Variants in CLSTN2 observed in about 807,000 individuals in gnomAD.
CLSTN2 encodes the protein calsyntenin-2.
In CLSTN2, 48 loss-of-function variants were observed where a neutral mutation model predicts 101.2. The ratio of observed to expected loss-of-function variants is 0.47; its 90% CI spans 0.38 to 0.60. The LOEUF is 0.60. Among genes scored for constraint, CLSTN2 ranks in the 20% least tolerant of loss-of-function variants. The probability of loss-of-function intolerance (pLI) is 0.00; values close to 1 mark genes in which losing one functional copy is unlikely to be tolerated. For missense variants in CLSTN2, 1,160 were observed against 1,238.2 expected, an observed-to-expected ratio of 0.94 and a Z score of 0.95; for synonymous variants, 481 against 463.6, an observed-to-expected ratio of 1.04 and a Z score of -0.48.
rs139938336 is a variant in CLSTN2 at position 140,053,011 on chromosome 3, C to T, written c.109+117528C>T. 3.9e-5 allele frequency among the ~76,000 whole-genome samples: 6 copies of T among 152,312 alleles called. No individual in the cohort carries two copies. The East Asian group carries it at 7.7e-4, about 20-fold the overall frequency. On this transcript the variant is annotated intron_variant, in intron 1 of 16. Coordinates refer to ENST00000458420, the MANE Select transcript of CLSTN2 (RefSeq NM_022131.3). ...CTCATCAAGACAGCACAGCCAACCA[C>T]GAGCCTGCAGGGGTGAGCACAGAGC...
Position 140,047,709 on chromosome 3 carries a change from G to A in CLSTN2, c.109+112226G>A, listed in dbSNP as rs747342648. The stretch of plus-strand genomic sequence containing the variant: ...GTAGTGCAGGGCATCCCGTGGTGAC[G>A]AGGCTGAGCATGCTAGCTCAGGTCT... On this transcript the variant is annotated intron_variant, in intron 1 of 16. Coordinates refer to ENST00000458420, the MANE Select transcript of CLSTN2 (RefSeq NM_022131.3). 3.9e-5 allele frequency among the ~76,000 whole-genome samples: 6 copies of A among 152,190 alleles called. No individual in the cohort carries two copies. The East Asian group carries it at 5.8e-4, about 15-fold the overall frequency.
At chr3:140,360,168 C>T (rs1056064377) in intron 2 of CLSTN2, among the ~76,000 whole-genome samples, 4 of 152,240 alleles carry the variant, frequency 2.6e-5, no homozygotes, top group South Asian at 2.1e-4. Context: ...CCCCTGTAAT[C>T]GTTCCTTTTT....
intron 1 of CLSTN2, among the ~76,000 whole-genome samples, chr3:140,108,988 C>A (rs1400767352): frequency 6.6e-6 from 1 of 152,072 alleles, no homozygotes; most frequent in African/African-American, 2.4e-5. Flanking sequence ...GAAGGTGTGC[C>A]TCAGAAGGGT....
chr3:140,537,006 C>T (rs1203693201), intron 9 of CLSTN2, among the ~76,000 whole-genome samples: 2 of 152,190 alleles, frequency 1.3e-5, no homozygotes, highest in South Asian at 2.1e-4. Context: ...AGACCTGATG[C>T]TGTGAAATTA....
chr3:140,478,122 C>T (rs1440079829), intron 8 of CLSTN2, among the ~76,000 whole-genome samples: 2 of 152,120 alleles, frequency 1.3e-5, no homozygotes, highest in Non-Finnish European at 2.9e-5. Flanking sequence ...TTATTTCTTT[C>T]ACTGCATTGG....
At chr3:139,977,863 T>C (rs1488006102) in intron 1 of CLSTN2, among the ~76,000 whole-genome samples, 1 of 152,172 alleles carries the variant, frequency 6.6e-6, no homozygotes, top group Non-Finnish European at 1.5e-5. Context: ...GAGAAAAATA[T>C]AGCTTTGGAA....
At chr3:139,960,610 TC>T (rs1382774661) in intron 1 of CLSTN2, among the ~76,000 whole-genome samples, 1 of 152,232 alleles carries the variant, frequency 6.6e-6, no homozygotes, top group Non-Finnish European at 1.5e-5. Context: ...CCTTTCCTTC[TC>T]TGCCTTCCAT....
At chr3:140,454,704 C>A (rs1449122208) in intron 6 of CLSTN2, 1 of 152,228 alleles carries the variant, frequency 6.6e-6, no homozygotes, top group Non-Finnish European at 1.5e-5. Flanking sequence ...TAGCTCCCCA[C>A]TAGGATCCAG....
chr3:140,042,693 G>A (rs992687525), intron 1 of CLSTN2, among the ~76,000 whole-genome samples: 2 of 152,054 alleles, frequency 1.3e-5, no homozygotes, highest in African/African-American at 4.8e-5. Context: ...ACCATGACAG[G>A]CCCCGGTGTG....
At chr3:140,033,035 T>A (rs1196016743) in intron 1 of CLSTN2, among the ~76,000 whole-genome samples, 1 of 152,208 alleles carries the variant, frequency 6.6e-6, no homozygotes, top group Admixed American at 6.5e-5. Flanking sequence ...CCTTCACCTT[T>A]CTGAGCTTAC....
chr3:140,347,604 T>G (rs2087561917), intron 2 of CLSTN2, among the ~76,000 whole-genome samples: 1 of 152,238 alleles, frequency 6.6e-6, no homozygotes, highest in Non-Finnish European at 1.5e-5. Flanking sequence ...CAACAGGGAA[T>G]GAGCCATCCT....
At chr3:140,485,729 C>A (rs901773869) in intron 8 of CLSTN2, among the ~76,000 whole-genome samples, 5 of 152,146 alleles carry the variant, frequency 3.3e-5, no homozygotes, top group African/African-American at 1.2e-4. Flanking sequence ...ATGAGTGAGG[C>A]TCCATGGGCA....
chr3:140,119,056 G>C (rs978872769), intron 1 of CLSTN2, among the ~76,000 whole-genome samples: 1 of 152,204 alleles, frequency 6.6e-6, no homozygotes, highest in African/African-American at 2.4e-5. Context: ...AGAGGAATTA[G>C]CTCCCCACTA....
At chr3:140,179,916 A>G (rs1042695700) in intron 2 of CLSTN2, among the ~76,000 whole-genome samples, 6 of 152,148 alleles carry the variant, frequency 3.9e-5, no homozygotes, top group Non-Finnish European at 7.4e-5. Flanking sequence ...AAAGGTTGTA[A>G]AACATGTTAA....
chr3:140,333,398 T>C (rs563030727), intron 2 of CLSTN2, among the ~76,000 whole-genome samples: 1 of 152,300 alleles, frequency 6.6e-6, no homozygotes, highest in Admixed American at 6.5e-5. Context: ...AGATTATCTC[T>C]GAGAACCCCA....
intron 12 of CLSTN2, among the ~76,000 whole-genome samples, chr3:140,561,074 A>C (rs903478708): frequency 1.3e-5 from 2 of 151,918 alleles, no homozygotes; most frequent in South Asian, 4.2e-4. Flanking sequence ...AAAATAATCC[A>C]TCTTTAGTGA....
intron 8 of CLSTN2, among the ~76,000 whole-genome samples, chr3:140,483,363 C>T (rs996230340): frequency 1.3e-5 from 2 of 152,054 alleles, no homozygotes; most frequent in East Asian, 3.9e-4. Context: ...TTACTTCCAA[C>T]TATATGGTCA....
At chr3:140,365,761 G>T (rs2087780773) in intron 2 of CLSTN2, among the ~76,000 whole-genome samples, 1 of 152,222 alleles carries the variant, frequency 6.6e-6, no homozygotes, top group African/African-American at 2.4e-5. Context: ...TGTATTTGGG[G>T]TTGGTGCTTT....
chr3:140,421,377 C>G, intron 5 of CLSTN2, 103 bp downstream of exon 5: 2 of 1,320,286 alleles, frequency 1.5e-6, no homozygotes, highest in Non-Finnish European at 2.1e-6. Flanking sequence ...TTTTAAAGTA[C>G]AGTCACTTTG....
Sources: gnomAD v4.1 joint callset for allele counts (sites outside exome capture counted in the v4.1 genomes callset) on GRCh38, gnomAD v4.1.1 for gene constraint, MANE v1.5 for transcripts, NCBI Gene and HGNC (gene_info 2026-07-23, HGNC 2026-07-21) for gene names.